The following ATR variants were observed in gnomAD, a reference collection of about 807,000 sequenced individuals.
ATR encodes serine/threonine-protein kinase ATR.
Under a neutral mutation model 305.3 loss-of-function variants are expected in ATR, and 142 were observed. The ratio of observed to expected loss-of-function variants is 0.47; its 90% CI spans 0.41 to 0.53. The LOEUF (loss-of-function observed/expected upper bound fraction) is 0.53, where lower values mean the gene tolerates loss of function less well. Ranked by LOEUF, ATR falls within the 20% of genes least tolerant of loss-of-function variation. The pLI is 0.00. For synonymous variants in ATR, 1,050 were observed against 1,068.1 expected (o/e 0.98, Z 0.33); for missense variants, 2,135 against 3,133.1 (o/e 0.68, Z 7.60).
intron 39 of ATR, among the ~76,000 whole-genome samples, chr3:142,467,158 T>C (rs1401413413): frequency 6.6e-6 from 1 of 152,148 alleles, no homozygotes; most frequent in Non-Finnish European, 1.5e-5. Context: ...ACTGATGCAC[T>C]CTGAATATTT....
chr3:142,574,165 A>G (rs1189777383), intron 1 of ATR, among the ~76,000 whole-genome samples: 1 of 152,134 alleles, frequency 6.6e-6, no homozygotes, highest in African/African-American at 2.4e-5. Context: ...TAGATCTACT[A>G]TCAGAAGAAA....
At chr3:142,540,368 T>C (rs1180646700) in intron 18 of ATR, among the ~76,000 whole-genome samples, 1 of 152,144 alleles carries the variant, frequency 6.6e-6, no homozygotes, top group Non-Finnish European at 1.5e-5. Flanking sequence ...CTCTGATACA[T>C]ACAAACATCT....
intron 36 of ATR, among the ~76,000 whole-genome samples, chr3:142,475,815 T>C (rs1282964124): frequency 6.6e-6 from 1 of 152,328 alleles, no homozygotes; most frequent in African/African-American, 2.4e-5. Context: ...TGGTATCTCA[T>C]TGTGGTTTTG....
chr3:142,451,984 A>G lies in ATR; in HGVS notation c.7761+1144T>C, dbSNP rs2070802201. On this transcript the variant is annotated intron_variant, in intron 46 of 46. Transcript: ENST00000350721. The stretch of plus-strand genomic sequence containing the variant: ...CGAAAAGGAACATGTCCCAGAGACC[A>G]TCTGCTCTTCAACTGCTACAGAGTG... The G allele has an allele frequency of 3.7e-6, 4 of 1,075,976 alleles. No individual in the cohort carries two copies. The South Asian group carries it at 8.7e-5, about 23-fold the overall frequency. 66.7% of individuals were successfully genotyped at this position (1,075,976 alleles called of 1,614,324 possible).
At chr3:142,449,930 A>T (rs995397364) in intron 46 of ATR, 5 of 386,882 alleles carry the variant, frequency 1.3e-5, no homozygotes, top group Non-Finnish European at 2.4e-5. Flanking sequence ...CATTTCAATG[A>T]ATATTCAAAT....
chr3:142,563,769 A>C (rs1295921536), intron 3 of ATR, among the ~76,000 whole-genome samples: 3 of 152,242 alleles, frequency 2.0e-5, no homozygotes, highest in Non-Finnish European at 2.9e-5. Context: ...AAGCCAAGAC[A>C]AGTTGAAAGC....
chr3:142,559,490 G>A (rs1365557888), intron 6 of ATR, 49 bp from the exon 7 acceptor site: 1 of 1,565,210 alleles, frequency 6.4e-7, no homozygotes, highest in Non-Finnish European at 8.8e-7. Context: ...GATGAATTTT[G>A]TTATAGTCAA....
intron 17 of ATR, among the ~76,000 whole-genome samples, chr3:142,541,672 C>G (rs1280878268): frequency 6.6e-6 from 1 of 152,092 alleles, no homozygotes; most frequent in East Asian, 1.9e-4. Context: ...TTATGGTTTA[C>G]AAGACAAACT....
intron 36 of ATR, among the ~76,000 whole-genome samples, chr3:142,481,547 T>A (rs2030485648): frequency 6.6e-6 from 1 of 152,202 alleles, no homozygotes; most frequent in Admixed American, 6.5e-5. Context: ...GCTTGTGGCT[T>A]GACTTTTGAC....
At chr3:142,451,228 G>T in intron 46 of ATR, 1 of 1,192,000 alleles carries the variant, frequency 8.4e-7, no homozygotes, top group South Asian at 1.7e-5. Context: ...TGCACATCCA[G>T]ATGCAGGTGT....
chr3:142,544,130 C>T (rs2034168794), intron 16 of ATR, among the ~76,000 whole-genome samples: 1 of 152,026 alleles, frequency 6.6e-6, no homozygotes, highest in Admixed American at 6.6e-5. Context: ...ATAAAACCAC[C>T]TACTGCATAG....
Position 142,512,336 on chromosome 3 carries a change from T to C in ATR, c.4776A>G (p.Ala1592=). The C allele has an allele frequency of 6.2e-7, 1 of 1,614,048 alleles. No individual in the cohort carries two copies. The highest frequency in any genetic ancestry group is 8.5e-7 in the Non-Finnish European group (1 of 1,180,004). ...FSMLDHLTQW[A]RHKFQALKAE... ...CTTTCAGTGCCTGAAATTTGTGCCT[T>C]GCCCACTGTGTGAGATGGTCAAGCA... The change falls in exon 27 of 47, where the codon GCA becomes GCG. Residue 1592 remains alanine (A), a synonymous_variant. Transcript: ENST00000350721.
chr3:142,558,629 C>T lies in ATR; in HGVS notation c.1880G>A (p.Ser627Asn). The T allele has an allele frequency of 6.2e-7, 1 of 1,611,002 alleles. No individual in the cohort carries two copies. Among genetic ancestry groups the T allele is most frequent in the Non-Finnish European group, 8.5e-7 (1 of 1,178,258 alleles). The change falls in exon 8 of 47, where the codon AGC becomes AAC. Residue 627 changes from serine to asparagine, a missense_variant. Physicochemically the swap from Ser to Asn is conservative, Grantham distance 46. Coordinates refer to ENST00000350721, the MANE Select transcript of ATR (RefSeq NM_001184.4). The part of the protein sequence containing the change: ...LLTLSCRISD[S>N]YSPQAQSRCV... ...ACATTCTTGTGAGCACTTACAATAG[C>T]TATCTGAAATCCTACAGCTTAATGT... is the stretch of plus-strand genomic sequence containing the variant.
At position 142,562,970 on chromosome 3, in the gene ATR, T is replaced by C. The variant is rs2034938636; in HGVS notation, c.432A>G (p.Val144=). The change falls in exon 4 of 47, where the codon GTA becomes GTG. Residue 144 remains valine (V), a synonymous_variant. Coordinates refer to ENST00000350721, the MANE Select transcript of ATR (RefSeq NM_001184.4). ...AAAGTTGTAATAATTCTTTTGTGAG[T>C]ACCCCAAAAATAGCAGGACTCTTGC... The part of the protein sequence containing the change: ...FKSKSPAIFG[V]LTKELLQLFE... 6.2e-7 allele frequency: 1 copy of C among 1,609,458 alleles called. No homozygotes were observed. The highest frequency in any genetic ancestry group is 2.2e-5 in the East Asian group (1 of 44,868).
intron 36 of ATR, among the ~76,000 whole-genome samples, chr3:142,476,061 G>A (rs2071435682): frequency 1.3e-5 from 2 of 152,100 alleles, no homozygotes; most frequent in Admixed American, 1.3e-4. Context: ...TCACTCTGAT[G>A]GTAGTTTCTT....
chr3:142,546,804 T>C (rs906520919), intron 16 of ATR, among the ~76,000 whole-genome samples: 1 of 152,124 alleles, frequency 6.6e-6, no homozygotes, highest in Non-Finnish European at 1.5e-5. Flanking sequence ...GAAGTGACTA[T>C]GAGATTTAAT....
chr3:142,515,583 C>T, intron 24 of ATR, 68 bp from the exon 25 acceptor site: 2 of 1,470,898 alleles, frequency 1.4e-6, no homozygotes, highest in Non-Finnish European at 1.9e-6. Flanking sequence ...TAAATTACAG[C>T]AACTCCTTCA....
In ATR at chr3:142,449,316, T is replaced by C. The variant is rs2070720845; in HGVS notation, c.*113A>G. On this transcript the variant is annotated 3_prime_UTR_variant, in exon 47 of 47. Coordinates refer to ENST00000350721, the MANE Select transcript of ATR (RefSeq NM_001184.4). ...ATTAATGATCAGAGAGAAATAACAG[T>C]TGCTGAGAACGTAAATTTATGTTGT... The C allele has an allele frequency of 6.3e-6, 6 of 952,966 alleles. No homozygotes were observed. The highest frequency in any genetic ancestry group is 1.7e-5 in the African/African-American group (1 of 60,448). The allele number at this position is 952,966 out of a possible 1,614,324, so 59.0% of individuals were successfully genotyped here.
At chr3:142,500,020 C>A in intron 30 of ATR, 1 of 225,874 alleles carries the variant, frequency 4.4e-6, no homozygotes, top group Non-Finnish European at 8.7e-6. Flanking sequence ...TAACTAAGCC[C>A]ATTGTAAAAA....
Sources: allele counts gnomAD v4.1 joint callset (sites outside exome capture counted in the v4.1 genomes callset), GRCh38; gene constraint gnomAD v4.1.1; transcripts MANE v1.5; gene names NCBI Gene and HGNC (gene_info 2026-07-23, HGNC 2026-07-21).